Variants in IL7 observed in about 807,000 individuals in gnomAD.
The protein encoded by IL7 is interleukin-7.
Under a neutral mutation model 21.6 loss-of-function variants are expected in IL7, and 3 were observed. The observed-to-expected ratio is 0.14, with a 90% CI of 0.06 to 0.36. IL7 has a LOEUF of 0.36. Among genes scored for constraint, IL7 ranks in the 10% least tolerant of loss-of-function variants. The pLI is 1.00. For synonymous variants in IL7, 62 were observed against 68.1 expected, an observed-to-expected ratio of 0.91 and a Z score of 0.44; for missense variants, 175 against 200.2, an observed-to-expected ratio of 0.87 and a Z score of 0.76.
chr8:78,790,032 C>T (rs910037626), intron 2 of IL7, among the ~76,000 whole-genome samples: 1 of 152,088 alleles, frequency 6.6e-6, no homozygotes, highest in Non-Finnish European at 1.5e-5. Context: ...TATATGAGAG[C>T]TGTCAGTGCA....
At chr8:78,729,860 T>C (rs1811394191), downstream of IL7, among the ~76,000 whole-genome samples, 1 of 151,996 alleles carries the variant, frequency 6.6e-6, no homozygotes, top group East Asian at 1.9e-4. Flanking sequence ...TGATAAGCAT[T>C]GAAGATAGAA....
intron 3 of IL7, among the ~76,000 whole-genome samples, chr8:78,688,226 T>C (rs1191716558): frequency 6.6e-6 from 1 of 152,066 alleles, no homozygotes; most frequent in Non-Finnish European, 1.5e-5. Flanking sequence ...TTTGAAGATA[T>C]TTAGATATTG....
chr8:78,742,240 C>T lies in IL7; in HGVS notation c.148-2158G>A, dbSNP rs558299797. 5.3e-5 allele frequency among the ~76,000 whole-genome samples: 8 copies of T among 152,108 alleles called. No individual in the cohort carries two copies. The East Asian group carries it at 1.2e-3, about 22-fold the overall frequency. On this transcript the variant is annotated intron_variant, in intron 2 of 5. Transcript: ENST00000263851. ...TTGGGAGGCTGAGGCAGGAGAATCG[C>T]TTGAACCTGGGAGGCGGAGCTTGCA...
chr8:78,768,556 G>C (rs1812837958), intron 2 of IL7, among the ~76,000 whole-genome samples: 1 of 150,666 alleles, frequency 6.6e-6, no homozygotes, highest in African/African-American at 2.4e-5. Flanking sequence ...TTTTTTGGCT[G>C]CATAAATGTC....
chr8:78,760,074 G>A, intron 2 of IL7: 2 of 1,413,674 alleles, frequency 1.4e-6, no homozygotes. Flanking sequence ...TGATTAAGTG[G>A]CCTACATACA....
At chr8:78,743,892 C>T (rs144711845) in intron 2 of IL7, among the ~76,000 whole-genome samples, 38 of 152,172 alleles carry the variant, frequency 2.5e-4, no homozygotes, top group Middle Eastern at 3.4e-3. Context: ...TTGGATTTTC[C>T]GGTAGCTGAA....
At chr8:78,779,539 T>C (rs1399762641) in intron 2 of IL7, among the ~76,000 whole-genome samples, 1 of 152,312 alleles carries the variant, frequency 6.6e-6, no homozygotes, top group East Asian at 1.9e-4. Context: ...TGAATTACAT[T>C]TATTGATTTT....
At chr8:78,693,066 A>C (rs7818021) in intron 3 of IL7, among the ~76,000 whole-genome samples, 219 of 151,860 alleles carry the variant, frequency 1.4e-3, no homozygotes, top group African/African-American at 5.0e-3. Flanking sequence ...TGAACTCATC[A>C]TTTTTTATGG....
At chr8:78,769,425 C>G (rs1285730934) in intron 2 of IL7, among the ~76,000 whole-genome samples, 1 of 151,880 alleles carries the variant, frequency 6.6e-6, no homozygotes, top group Non-Finnish European at 1.5e-5. Context: ...GAGTGAACTC[C>G]CATTCACAAT....
intron 2 of IL7, among the ~76,000 whole-genome samples, chr8:78,749,814 A>T (rs1339224943): frequency 1.3e-5 from 2 of 152,124 alleles, no homozygotes; most frequent in African/African-American, 4.8e-5. Context: ...TGGGAGGATC[A>T]CTTGAGCCCA....
chr8:78,724,251 G>A (rs1278148608), intron 3 of IL7: 1 of 151,904 alleles, frequency 6.6e-6, no homozygotes, highest in Non-Finnish European at 1.5e-5. Flanking sequence ...TACAAGCAAA[G>A]GTTTACTCCA....
chr8:78,690,365 C>T (rs1170663308), intron 3 of IL7, among the ~76,000 whole-genome samples: 3 of 152,138 alleles, frequency 2.0e-5, no homozygotes, highest in African/African-American at 7.2e-5. Context: ...TAAAGACCAT[C>T]CTGGCTAACA....
chr8:78,696,692 G>A (rs1317285366), intron 3 of IL7, among the ~76,000 whole-genome samples: 5 of 152,160 alleles, frequency 3.3e-5, no homozygotes, highest in African/African-American at 1.2e-4. Flanking sequence ...AAGATGGTCT[G>A]GTGAGGATCG....
chr8:78,790,642 G>A (rs1561763), intron 2 of IL7, among the ~76,000 whole-genome samples: 7,511 of 152,040 alleles, frequency 0.049, 343 homozygotes, highest in African/African-American at 0.12. Context: ...ACTTAGGTAA[G>A]TATACAAGGA....
chr8:78,719,666 TGTG>T (rs1449603036), intron 5 of IL7: 1 of 151,864 alleles, frequency 6.6e-6, no homozygotes, highest in East Asian at 1.9e-4. Flanking sequence ...AAAAGATGAT[TGTG>T]GTGACTATTA....
intron 2 of IL7, among the ~76,000 whole-genome samples, chr8:78,749,463 C>G (rs1445929272): frequency 4.6e-5 from 7 of 151,942 alleles, no homozygotes; most frequent in African/African-American, 1.7e-4. Context: ...AACCACTGCC[C>G]TAAAGTTGGA....
intron 3 of IL7, among the ~76,000 whole-genome samples, chr8:78,687,462 TTA>T (rs915792673): frequency 8.9e-5 from 13 of 145,688 alleles, no homozygotes; most frequent in South Asian, 2.1e-4. Context: ...ATATACATAA[TTA>T]TATATATATT....
chr8:78,750,550 G>C (rs376821379), intron 2 of IL7, among the ~76,000 whole-genome samples: 1 of 152,194 alleles, frequency 6.6e-6, no homozygotes, highest in Non-Finnish European at 1.5e-5. Context: ...GAGGCCAGGC[G>C]TGGTGGCTCA....
At chr8:78,745,697 GC>G (rs1811956798) in intron 2 of IL7, among the ~76,000 whole-genome samples, 1 of 152,120 alleles carries the variant, frequency 6.6e-6, no homozygotes, top group African/African-American at 2.4e-5. Context: ...TTATTGTTCA[GC>G]CAGTATTTAA....
Sources: gnomAD v4.1 joint callset for allele counts (sites outside exome capture counted in the v4.1 genomes callset) on GRCh38, gnomAD v4.1.1 for gene constraint, MANE v1.5 for transcripts, NCBI Gene and HGNC (gene_info 2026-07-23, HGNC 2026-07-21) for gene names.